Variants in SLX4IP observed in about 807,000 individuals in gnomAD.
SLX4IP encodes the protein protein SLX4IP.
SLX4IP carries 34 observed loss-of-function variants against 32.9 expected under a neutral mutation model. The ratio of observed to expected loss-of-function variants is 1.03; its 90% CI spans 0.79 to 1.38. SLX4IP has a LOEUF of 1.38. SLX4IP is among the 40% of genes most tolerant of loss of function. SLX4IP has a pLI of 0.00. For synonymous variants in SLX4IP, 172 were observed against 171.7 expected (o/e 1.00, Z -0.01); for missense variants, 444 against 479.0 (o/e 0.93, Z 0.68).
intron 2 of SLX4IP, among the ~76,000 whole-genome samples, chr20:10,534,138 G>A (rs1442102578): frequency 6.6e-6 from 1 of 152,126 alleles, no homozygotes; most frequent in Non-Finnish European, 1.5e-5. Context: ...TTTGTGCCTT[G>A]TGGGTAGGGG....
intron 1 of SLX4IP, among the ~76,000 whole-genome samples, chr20:10,440,615 C>T (rs1022616304): frequency 6.6e-6 from 1 of 152,138 alleles, no homozygotes. Flanking sequence ...CCATCAGCTC[C>T]TTCCTCCCCA....
At chr20:10,550,235 A>G (rs1020786020) in intron 2 of SLX4IP, among the ~76,000 whole-genome samples, 43 of 151,940 alleles carry the variant, frequency 2.8e-4, no homozygotes, top group African/African-American at 1.0e-3. Context: ...GCTTTTACTT[A>G]TTCTCCCCAT....
At chr20:10,438,370 G>T (rs899379836) in intron 1 of SLX4IP, among the ~76,000 whole-genome samples, 1 of 151,210 alleles carries the variant, frequency 6.6e-6, no homozygotes, top group Non-Finnish European at 1.5e-5. Context: ...ACCCCTAAAA[G>T]TTTCCTCTTG....
chr20:10,594,599 C>T lies in SLX4IP; in HGVS notation c.239-4076C>T, dbSNP rs191355617. Among the ~76,000 whole-genome samples the T allele has an allele frequency of 1.9e-3, 282 of 152,326 alleles. 2 individuals are homozygous for T. Among genetic ancestry groups the T allele is most frequent in the Non-Finnish European group, 3.2e-3 (215 of 68,032 alleles). ...TAAAATCTCTCATTGAATATTTGCT[C>T]TCAGTGTCTTGGGACTGTGAACTGT... On this transcript the variant is annotated intron_variant, in intron 4 of 7. Coordinates refer to ENST00000334534, the MANE Select transcript of SLX4IP (RefSeq NM_001009608.3).
chr20:10,601,669 C>T (rs2122549684), intron 5 of SLX4IP, 62 bp from the exon 6 acceptor site: 1 of 1,399,842 alleles, frequency 7.1e-7, no homozygotes, highest in South Asian at 1.2e-5. Context: ...AAATCTGGAA[C>T]AACCATTCTG....
chr20:10,490,882 T>C (rs929149782), intron 2 of SLX4IP, among the ~76,000 whole-genome samples: 2 of 152,288 alleles, frequency 1.3e-5, no homozygotes, highest in Middle Eastern at 3.4e-3. Flanking sequence ...TCAGTAGCTC[T>C]CAACTTGTTT....
At position 10,622,853 on chromosome 20, in the gene SLX4IP, G is replaced by T. The variant is rs772050859; in HGVS notation, c.701G>T (p.Gly234Val). 5.0e-6 allele frequency: 8 copies of T among 1,613,962 alleles called. No homozygotes were observed. Among genetic ancestry groups the T allele is most frequent in the South Asian group, 1.1e-5 (1 of 91,082 alleles). ...ATAAAGGCAGCTGAGAGCCACTGGG[G>T]GCTTCCTGTTCAAAAGCTGGAAAAA... ...DSIKAAESHW[G>V]LPVQKLEKVN... Residue 234 changes from glycine to valine, a missense_variant, in exon 8 of 8, where the codon GGG becomes GTG. Transcript: ENST00000334534.
intron 6 of SLX4IP, among the ~76,000 whole-genome samples, chr20:10,609,789 AT>A (rs571797047): frequency 2.0e-5 from 3 of 151,382 alleles, no homozygotes; most frequent in African/African-American, 4.9e-5. Context: ...CAGAGAAGGC[AT>A]TTTTTTTTAA....
intron 2 of SLX4IP, among the ~76,000 whole-genome samples, chr20:10,471,251 G>A (rs1568696219): frequency 6.6e-6 from 1 of 152,148 alleles, no homozygotes; most frequent in Non-Finnish European, 1.5e-5. Context: ...TCATATGTGA[G>A]GGCTCAATTA....
intron 6 of SLX4IP, among the ~76,000 whole-genome samples, chr20:10,620,002 T>G (rs951210014): frequency 1.3e-5 from 2 of 151,948 alleles, no homozygotes; most frequent in African/African-American, 4.8e-5. Context: ...AATTGAAGAG[T>G]GTGAAGAGCC....
chr20:10,543,034 G>C (rs2066124926), intron 2 of SLX4IP, among the ~76,000 whole-genome samples: 1 of 152,156 alleles, frequency 6.6e-6, no homozygotes, highest in Non-Finnish European at 1.5e-5. Context: ...TGTGGTTATG[G>C]CTGTTTAACT....
At chr20:10,565,416 G>A (rs1309099985) in intron 4 of SLX4IP, among the ~76,000 whole-genome samples, 3 of 152,150 alleles carry the variant, frequency 2.0e-5, no homozygotes, top group African/African-American at 4.8e-5. Flanking sequence ...CATGCTCCCT[G>A]TGATGCTTAG....
At chr20:10,448,144 A>G (rs1040622494) in intron 1 of SLX4IP, among the ~76,000 whole-genome samples, 1 of 152,044 alleles carries the variant, frequency 6.6e-6, no homozygotes, top group Non-Finnish European at 1.5e-5. Context: ...TATTGCTTCT[A>G]TGTTCACTCA....
chr20:10,466,558 C>T (rs185535792), intron 2 of SLX4IP, among the ~76,000 whole-genome samples: 15 of 152,246 alleles, frequency 9.9e-5, no homozygotes, highest in Non-Finnish European at 1.9e-4. Context: ...GATTACAGAG[C>T]CTGGCTTAGT....
intron 2 of SLX4IP, among the ~76,000 whole-genome samples, chr20:10,483,202 C>A (rs1349790194): frequency 6.6e-6 from 1 of 152,094 alleles, no homozygotes; most frequent in Non-Finnish European, 1.5e-5. Flanking sequence ...TAACTGCAAC[C>A]CCAGCCCCCT....
At chr20:10,474,381 C>T (rs924958588) in intron 2 of SLX4IP, among the ~76,000 whole-genome samples, 1 of 152,208 alleles carries the variant, frequency 6.6e-6, no homozygotes, top group Non-Finnish European at 1.5e-5. Context: ...CATAACACAG[C>T]TATGCAGATA....
intron 2 of SLX4IP, among the ~76,000 whole-genome samples, chr20:10,542,546 C>A (rs1295438980): frequency 2.6e-5 from 4 of 152,142 alleles, no homozygotes; most frequent in Non-Finnish European, 4.4e-5. Context: ...GATAGTTTGT[C>A]TCAATTTCAA....
intron 2 of SLX4IP, among the ~76,000 whole-genome samples, chr20:10,492,392 T>A (rs649280): frequency 6.6e-6 from 1 of 151,972 alleles, no homozygotes; most frequent in Non-Finnish European, 1.5e-5. Flanking sequence ...TTGGGAATTC[T>A]TGGTATTGCT....
chr20:10,594,692 A>G (rs2066749470), intron 4 of SLX4IP, among the ~76,000 whole-genome samples: 1 of 152,202 alleles, frequency 6.6e-6, no homozygotes, highest in Admixed American at 6.5e-5. Flanking sequence ...ACTTGAAACT[A>G]ATCTACTGCC....
Sources: gnomAD v4.1 joint callset for allele counts (sites outside exome capture counted in the v4.1 genomes callset) on GRCh38, gnomAD v4.1.1 for gene constraint, MANE v1.5 for transcripts, NCBI Gene and HGNC (gene_info 2026-07-23, HGNC 2026-07-21) for gene names.